The following CMTM8 variants were observed in gnomAD, a reference collection of about 807,000 sequenced individuals.
The protein encoded by CMTM8 is CKLF like MARVEL transmembrane domain containing 8, also known as CKLF-like MARVEL transmembrane domain-containing protein 8.
A neutral mutation model predicts 18.6 loss-of-function variants in CMTM8; 12 were observed. The ratio of observed to expected loss-of-function variants is 0.65; its 90% CI spans 0.41 to 1.05. The LOEUF (loss-of-function observed/expected upper bound fraction) is 1.05, where lower values mean the gene tolerates loss of function less well. Among genes scored for constraint, CMTM8 ranks in the 50% least tolerant of loss-of-function variants. The pLI is 0.00. For missense variants in CMTM8, 217 were observed against 227.2 expected (o/e 0.95, Z 0.29); for synonymous variants, 87 against 90.6 (o/e 0.96, Z 0.23).
intron 1 of CMTM8, among the ~76,000 whole-genome samples, chr3:32,287,522 T>C (rs1702707350): frequency 6.6e-6 from 1 of 152,186 alleles, no homozygotes; most frequent in Admixed American, 6.5e-5. Context: ...TAATATAGGT[T>C]GGGTGAAATC....
chr3:32,260,844 A>C (rs1012461899), intron 1 of CMTM8, among the ~76,000 whole-genome samples: 1 of 152,178 alleles, frequency 6.6e-6, no homozygotes, highest in Admixed American at 6.5e-5. Context: ...CTAGTTCCTA[A>C]GAGGGAAACT....
At chr3:32,352,615 G>C (rs964299848) in intron 1 of CMTM8, among the ~76,000 whole-genome samples, 6 of 152,128 alleles carry the variant, frequency 3.9e-5, no homozygotes, top group African/African-American at 9.7e-5. Flanking sequence ...AATACTACAG[G>C]GTCCATTTAT....
At chr3:32,312,203 G>T (rs1198012523) in intron 1 of CMTM8, among the ~76,000 whole-genome samples, 2 of 152,148 alleles carry the variant, frequency 1.3e-5, no homozygotes, top group Admixed American at 6.5e-5. Context: ...TAGTTCAAGG[G>T]CAGAGGGGTA....
intron 1 of CMTM8, among the ~76,000 whole-genome samples, chr3:32,313,839 G>T (rs139059296): frequency 2.0e-5 from 3 of 152,154 alleles, no homozygotes; most frequent in African/African-American, 7.2e-5. Context: ...CTTGTCACAC[G>T]ACCAGGAAAG....
In CMTM8 at chr3:32,367,924, TAGATGCATCTTCC is replaced by T; in HGVS notation, c.375_387del (p.Asp126SerfsTer36). 2.5e-6 allele frequency: 4 copies of T among 1,614,186 alleles called. No homozygotes were observed. The highest frequency in any genetic ancestry group is 2.5e-6 in the Non-Finnish European group (3 of 1,180,030). The stretch of plus-strand genomic sequence containing the variant: ...GTCTTGTACCTCTCTGCCGCTGTTG[TAGATGCATCTTCC>T]GTCTCCCCTGAGAGGGACAGTCACA... On this transcript the variant is annotated frameshift_variant, in exon 3 of 4. Transcript: ENST00000307526. LOFTEE classifies it high-confidence loss of function.
intron 1 of CMTM8, among the ~76,000 whole-genome samples, chr3:32,301,846 C>G (rs1695624935): frequency 6.6e-6 from 1 of 152,100 alleles, no homozygotes. Context: ...TCGAGTCTGG[C>G]TAACCAGCCA....
intron 1 of CMTM8, among the ~76,000 whole-genome samples, chr3:32,323,687 A>T (rs1376178320): frequency 5.3e-5 from 8 of 152,194 alleles, no homozygotes; most frequent in African/African-American, 1.9e-4. Context: ...CTCCTTTGGC[A>T]TTTTGAGCAT....
At chr3:32,320,867 C>T (rs182704092) in intron 1 of CMTM8, among the ~76,000 whole-genome samples, 67 of 152,140 alleles carry the variant, frequency 4.4e-4, no homozygotes, top group Admixed American at 1.2e-3. Flanking sequence ...ACGGTGGTGA[C>T]TTTGTTTGCC....
intron 1 of CMTM8, among the ~76,000 whole-genome samples, chr3:32,280,846 CAA>C (rs60845487): frequency 4.2e-3 from 283 of 68,128 alleles, no homozygotes; most frequent in East Asian, 0.029. Context: ...AGAAAATAGG[CAA>C]AAAAAAAAAA....
chr3:32,296,938 T>G (rs1486735299), intron 1 of CMTM8, among the ~76,000 whole-genome samples: 4 of 152,140 alleles, frequency 2.6e-5, no homozygotes, highest in Non-Finnish European at 5.9e-5. Flanking sequence ...TTTTCGTTAT[T>G]GTAAATAAGG....
intron 1 of CMTM8, among the ~76,000 whole-genome samples, chr3:32,284,968 A>G (rs2125552233): frequency 6.6e-6 from 1 of 152,246 alleles, no homozygotes; most frequent in East Asian, 1.9e-4. Flanking sequence ...CCTGACTTTG[A>G]TGAGCAGTTT....
intron 1 of CMTM8, among the ~76,000 whole-genome samples, chr3:32,319,486 C>T (rs57605314): frequency 0.19 from 29,241 of 151,814 alleles, 3,200 homozygotes; most frequent in African/African-American, 0.3. Context: ...ACTTGAAAAT[C>T]TGCCGTGCTA....
chr3:32,335,652 G>T (rs761690238), intron 1 of CMTM8, among the ~76,000 whole-genome samples: 16 of 152,250 alleles, frequency 1.1e-4, no homozygotes, highest in Middle Eastern at 3.4e-3. Flanking sequence ...CAGATGTGTC[G>T]AAGGTCACCT....
chr3:32,325,622 T>C (rs1287796591), intron 1 of CMTM8, among the ~76,000 whole-genome samples: 1 of 152,222 alleles, frequency 6.6e-6, no homozygotes, highest in Non-Finnish European at 1.5e-5. Context: ...GGTTAAATTT[T>C]AGTTTGAAGT....
At chr3:32,341,056 A>G (rs1696481829) in intron 1 of CMTM8, among the ~76,000 whole-genome samples, 1 of 152,240 alleles carries the variant, frequency 6.6e-6, no homozygotes, top group Non-Finnish European at 1.5e-5. Context: ...ATCAGAGCAA[A>G]TAGGATTAGT....
chr3:32,321,964 G>A (rs774927828), intron 1 of CMTM8, among the ~76,000 whole-genome samples: 18 of 152,184 alleles, frequency 1.2e-4, no homozygotes, highest in Admixed American at 6.5e-4. Context: ...GGCCACTTTC[G>A]GGCCTCAACA....
At chr3:32,314,606 A>G (rs996728650) in intron 1 of CMTM8, among the ~76,000 whole-genome samples, 5 of 151,930 alleles carry the variant, frequency 3.3e-5, no homozygotes, top group Non-Finnish European at 5.9e-5. Flanking sequence ...CAGCCTCCCA[A>G]GTAGCTAGGA....
chr3:32,293,338 G>A (rs960359202), intron 1 of CMTM8, among the ~76,000 whole-genome samples: 1 of 152,122 alleles, frequency 6.6e-6, no homozygotes, highest in African/African-American at 2.4e-5. Context: ...ATCACTTGAG[G>A]TCAGGAGTTT....
chr3:32,312,070 A>G (rs1391086372), intron 1 of CMTM8, among the ~76,000 whole-genome samples: 1 of 152,194 alleles, frequency 6.6e-6, no homozygotes, highest in Non-Finnish European at 1.5e-5. Context: ...GAGATTGGCT[A>G]TACTTTGTTG....
Sources: gnomAD v4.1 joint callset for allele counts (sites outside exome capture counted in the v4.1 genomes callset) on GRCh38, gnomAD v4.1.1 for gene constraint, MANE v1.5 for transcripts, NCBI Gene and HGNC (gene_info 2026-07-23, HGNC 2026-07-21) for gene names.